HDAC4: variants seen among roughly 807,000 people sequenced by gnomAD.
HDAC4 encodes the protein histone deacetylase A.
In HDAC4, 16 loss-of-function variants were observed where a neutral mutation model predicts 135.1. The observed-to-expected ratio is 0.12, with a 90% CI of 0.08 to 0.18. HDAC4 has a LOEUF of 0.18. Among genes scored for constraint, HDAC4 ranks in the 10% least tolerant of loss-of-function variants. HDAC4 has a pLI of 1.00. For missense variants in HDAC4, 1,143 were observed against 1,511.8 expected (o/e 0.76, Z 4.05); for synonymous variants, 685 against 653.4 (o/e 1.05, Z -0.74).
intron 2 of HDAC4, among the ~76,000 whole-genome samples, chr2:239,290,690 GCA>G (rs527584630): frequency 1.7e-4 from 26 of 152,040 alleles, no homozygotes; most frequent in East Asian, 3.9e-4. Flanking sequence ...GCACGCGCAT[GCA>G]CACACACGCA....
At chr2:239,063,380 AT>A (rs1201260691) in intron 24 of HDAC4, among the ~76,000 whole-genome samples, 1 of 150,394 alleles carries the variant, frequency 6.6e-6, no homozygotes, top group Admixed American at 6.6e-5. Flanking sequence ...TTTTTTTTGT[AT>A]TTTTAGTAGA....
chr2:239,102,739 A>AT (rs1197391141), intron 16 of HDAC4, 37 bp downstream of exon 16: 22 of 1,612,986 alleles, frequency 1.4e-5, no homozygotes, highest in Non-Finnish European at 1.9e-5. Context: ...AGGGGACTTC[A>AT]AACCCAATAT....
intron 14 of HDAC4, 58 bp downstream of exon 14, chr2:239,111,468 C>G (rs575530516): frequency 2.0e-6 from 3 of 1,514,576 alleles, no homozygotes; most frequent in African/African-American, 2.8e-5. Context: ...GAGCCCCCCG[C>G]GCTGTGCCCA....
At chr2:239,075,932 G>A (rs1460210324) in intron 22 of HDAC4, among the ~76,000 whole-genome samples, 1 of 151,792 alleles carries the variant, frequency 6.6e-6, no homozygotes, top group Non-Finnish European at 1.5e-5. Context: ...AGACAGAGCT[G>A]GGTTGGGACA....
chr2:239,128,558 G>C (rs945605102), intron 11 of HDAC4, among the ~76,000 whole-genome samples: 1 of 152,056 alleles, frequency 6.6e-6, no homozygotes, highest in Non-Finnish European at 1.5e-5. Context: ...AGGCATTTCA[G>C]AATTTTTCAA....
intron 2 of HDAC4, among the ~76,000 whole-genome samples, chr2:239,290,083 T>C (rs1304257837): frequency 3.3e-5 from 5 of 152,220 alleles, no homozygotes; most frequent in African/African-American, 1.2e-4. Context: ...AATATAAATG[T>C]ACACTCCATT....
chr2:239,347,231 GTTAAAATAAACAGAT>G (rs1692784713), intron 2 of HDAC4, among the ~76,000 whole-genome samples: 1 of 152,190 alleles, frequency 6.6e-6, no homozygotes, highest in Admixed American at 6.5e-5. Context: ...GGCCACAATA[GTTAAAATAAACAGAT>G]TCAAGATCAA....
At position 239,087,503 on chromosome 2, in the gene HDAC4, G is replaced by A. The variant is rs62189546; in HGVS notation, c.2444+56C>T. 0.085 allele frequency: 131,873 copies of A among 1,549,396 alleles called. 6,042 individuals carry two copies. Among genetic ancestry groups the A allele is most frequent in the Admixed American group, 0.16 (8,845 of 56,564 alleles). ...CACTCACACACCCACCCAGCCCTAA[G>A]GGAGGGAAGGAAGACCTGGGTTCCC... On this transcript the variant is annotated intron_variant, in intron 19 of 26. Coordinates refer to ENST00000543185, the MANE Select transcript of HDAC4 (RefSeq NM_001378414.1).
At chr2:239,280,913 T>C (rs1305033244) in intron 2 of HDAC4, among the ~76,000 whole-genome samples, 9 of 132,690 alleles carry the variant, frequency 6.8e-5, no homozygotes, top group Non-Finnish European at 3.2e-5. Flanking sequence ...CTCTACAATG[T>C]ACACACCACT....
At chr2:239,078,721 C>T (rs1380462953) in intron 22 of HDAC4, among the ~76,000 whole-genome samples, 2 of 152,062 alleles carry the variant, frequency 1.3e-5, no homozygotes, top group African/African-American at 2.4e-5. Flanking sequence ...GGGGAGTGAC[C>T]CTGACGGCAG....
intron 1 of HDAC4, among the ~76,000 whole-genome samples, chr2:239,368,120 C>T (rs1449359670): frequency 6.6e-6 from 1 of 152,192 alleles, no homozygotes; most frequent in Non-Finnish European, 1.5e-5. Flanking sequence ...CACGTCAGAA[C>T]GACAGTCAGC....
At position 239,352,771 on chromosome 2, in the gene HDAC4, A is replaced by G; in HGVS notation, c.-72T>C. 1 of 1,405,646 alleles carries G rather than the reference A, an allele frequency of 7.1e-7. No homozygotes were observed. The highest frequency in any genetic ancestry group is 1.2e-5 in the South Asian group (1 of 81,052). 87.1% of individuals were successfully genotyped at this position (1,405,646 alleles called of 1,614,324 possible). A position where few individuals can be genotyped will look rare whatever the true frequency, so the allele number is the denominator to read the frequency against. On this transcript the variant is annotated 5_prime_UTR_variant, in exon 2 of 27. Transcript: ENST00000543185. This position sits in a 1 kb window ranked among gnomAD's most constrained non-coding sequence, Gnocchi z 4.4. ...TTCCACGGAAACGATAGCTCCAACG[A>G]GCTCCAAACTCCCACCAACACATAC...
intron 9 of HDAC4, among the ~76,000 whole-genome samples, chr2:239,137,132 C>A (rs1036101302): frequency 2.0e-5 from 3 of 152,202 alleles, no homozygotes; most frequent in Admixed American, 1.3e-4. Flanking sequence ...ATTTCTGGAA[C>A]TAAAGGAGGC....
chr2:239,358,360 A>C (rs1031572391), intron 1 of HDAC4, among the ~76,000 whole-genome samples: 3 of 152,208 alleles, frequency 2.0e-5, no homozygotes, highest in Non-Finnish European at 4.4e-5. Flanking sequence ...AGCTCCTGCA[A>C]ACCAGCTCCT....
intron 1 of HDAC4, among the ~76,000 whole-genome samples, chr2:239,364,124 G>A (rs560433013): frequency 9.9e-5 from 15 of 152,186 alleles, no homozygotes; most frequent in Non-Finnish European, 1.6e-4. Context: ...AACAGTCAAC[G>A]GCACACACCC....
intron 1 of HDAC4, among the ~76,000 whole-genome samples, chr2:239,374,577 GTATTTT>G (rs1171856663): frequency 1.3e-5 from 2 of 150,338 alleles, no homozygotes; most frequent in African/African-American, 4.9e-5. Flanking sequence ...CTAATTTTTT[GTATTTT>G]TAGTAGAGAC....
rs1575496821 is a variant in HDAC4, at chr2:239,240,425, T to G, written c.23-3761A>C. Among the ~76,000 whole-genome samples the G allele has an allele frequency of 6.6e-6, 1 of 152,346 alleles. No homozygotes were observed. Among genetic ancestry groups the G allele is most frequent in the East Asian group, 1.9e-4 (1 of 5,184 alleles). Reference sequence around the variant, plus strand: ...GAAATTAGTGATGAGAGGTGGAATTTCCATATTTATCTGCCTCTGGGCTGA... The same window carrying G: ...GAAATTAGTGATGAGAGGTGGAATTGCCATATTTATCTGCCTCTGGGCTGA... On this transcript the variant is annotated intron_variant, in intron 2 of 26. Transcript: ENST00000543185. This position sits in a 1 kb window ranked among gnomAD's most constrained non-coding sequence, Gnocchi z 4.5.
At chr2:239,076,299 C>T (rs1447234757) in intron 22 of HDAC4, among the ~76,000 whole-genome samples, 4 of 152,324 alleles carry the variant, frequency 2.6e-5, no homozygotes, top group Admixed American at 2.0e-4. Flanking sequence ...CTCGAAAGGC[C>T]ATCGCTCGTG....
At chr2:239,333,858 TATA>T (rs1373149197) in intron 2 of HDAC4, among the ~76,000 whole-genome samples, 2 of 152,334 alleles carry the variant, frequency 1.3e-5, no homozygotes, top group East Asian at 3.9e-4. Context: ...AAATTTTATC[TATA>T]ATGATGAAAT....
Sources: gnomAD v4.1 joint callset for allele counts (sites outside exome capture counted in the v4.1 genomes callset) on GRCh38, gnomAD v4.1.1 for gene constraint, Gnocchi (gnomAD v3.1) non-coding constraint, MANE v1.5 for transcripts, NCBI Gene and HGNC (gene_info 2026-07-23, HGNC 2026-07-21) for gene names.